The following C11orf58 variants were observed in gnomAD, a reference collection of about 807,000 sequenced individuals.
The protein encoded by C11orf58 is chromosome 11 open reading frame 58, also known as small acidic protein.
In C11orf58, 5 loss-of-function variants were observed where a neutral mutation model predicts 22.7. That is an observed-to-expected ratio of 0.22 (90% confidence interval 0.12 to 0.46). C11orf58 has a LOEUF of 0.46. Ranked by LOEUF, C11orf58 falls within the 20% of genes least tolerant of loss-of-function variation. C11orf58 has a pLI of 0.99. For synonymous variants in C11orf58, 71 were observed against 70.7 expected (o/e 1.00, Z -0.02); for missense variants, 151 against 223.3 (o/e 0.68, Z 2.06).
intron 3 of C11orf58, chr11:16,748,673 A>G (rs1848507508): frequency 6.6e-6 from 1 of 151,830 alleles, no homozygotes; most frequent in Non-Finnish European, 1.5e-5. Flanking sequence ...TGAACCAGAG[A>G]GGCGGAGGTT....
At chr11:16,743,415 T>C (rs1848463281) in intron 1 of C11orf58, among the ~76,000 whole-genome samples, 1 of 152,220 alleles carries the variant, frequency 6.6e-6, no homozygotes, top group Non-Finnish European at 1.5e-5. Context: ...TTTTTTTTCT[T>C]TTTCTTGTCA....
rs780319318 is a variant in C11orf58, at chr11:16,744,588, A to T, written c.64-13A>T. ...TATGCAAAAAAAATTTAATCAACCAATTTTTTTTCTAGCTGGGATCTAGCA... is the reference window on the plus strand; with the variant it reads ...TATGCAAAAAAAATTTAATCAACCATTTTTTTTTCTAGCTGGGATCTAGCA... On this transcript the variant is annotated splice_polypyrimidine_tract_variant and intron_variant, in intron 1 of 4. Coordinates refer to ENST00000228136, the MANE Select transcript of C11orf58 (RefSeq NM_014267.6). The T allele has an allele frequency of 4.4e-6, 7 of 1,608,364 alleles. No individual in the cohort carries two copies. The Admixed American group carries it at 6.7e-5, about 15-fold the overall frequency.
intron 4 of C11orf58, 125 bp from the exon 5 acceptor site, chr11:16,754,746 T>G: frequency 6.8e-7 from 1 of 1,460,918 alleles, no homozygotes; most frequent in Non-Finnish European, 9.2e-7. Flanking sequence ...TACTCAAGTC[T>G]TAAAGCTGTT....
intron 3 of C11orf58, 182 bp downstream of exon 3, chr11:16,748,339 G>T: frequency 2.0e-6 from 1 of 495,220 alleles, no homozygotes; most frequent in Non-Finnish European, 3.6e-6. Context: ...AAAGTGGGAG[G>T]ATCACTTAAG....
chr11:16,746,343 G>A (rs1235778971), intron 2 of C11orf58, among the ~76,000 whole-genome samples: 1 of 152,158 alleles, frequency 6.6e-6, no homozygotes, highest in Non-Finnish European at 1.5e-5. Flanking sequence ...CTTGTTTCAT[G>A]CAAATATATT....
chr11:16,751,490 A>G (rs1247102458), intron 3 of C11orf58: 2 of 135,098 alleles, frequency 1.5e-5, no homozygotes, highest in South Asian at 2.7e-4. Context: ...CAAGAGAGCG[A>G]GACTCCCTCG....
At chr11:16,754,158 C>T in intron 4 of C11orf58, 1 of 396,132 alleles carries the variant, frequency 2.5e-6, no homozygotes, top group Non-Finnish European at 4.4e-6. Context: ...CTACTGTTTA[C>T]TCCAAAGTAA....
chr11:16,743,728 T>C (rs955159618), intron 1 of C11orf58, among the ~76,000 whole-genome samples: 3 of 152,202 alleles, frequency 2.0e-5, no homozygotes, highest in African/African-American at 7.2e-5. Context: ...AAAACTAATA[T>C]CTTAAAAACT....
Position 16,756,204 on chromosome 11 carries a change from T to G in C11orf58, c.*1100T>G, listed in dbSNP as rs1270071635. On this transcript the variant is annotated 3_prime_UTR_variant, in exon 5 of 5. Coordinates refer to ENST00000228136, the MANE Select transcript of C11orf58 (RefSeq NM_014267.6). ...CAAGTTCAAAGGCTTTAGTCACACC[T>G]GTTTGTGAGCTGAGCTATTATACAT... 2 of 152,008 alleles carry G rather than the reference T, an allele frequency of 1.3e-5. No homozygotes were observed. Among genetic ancestry groups the G allele is most frequent in the Non-Finnish European group, 2.9e-5 (2 of 67,998 alleles). 9.4% of individuals were successfully genotyped at this position (152,008 alleles called of 1,614,324 possible). A position where few individuals can be genotyped will look rare whatever the true frequency, so the allele number is the denominator to read the frequency against.
intron 3 of C11orf58, chr11:16,751,026 G>A (rs1038305349): frequency 6.6e-6 from 1 of 152,160 alleles, no homozygotes; most frequent in Admixed American, 6.5e-5. Flanking sequence ...ATCTGTTCAT[G>A]TAGCTCTGTG....
intron 1 of C11orf58, among the ~76,000 whole-genome samples, chr11:16,739,992 C>G (rs1346664039): frequency 6.6e-6 from 1 of 152,202 alleles, no homozygotes; most frequent in Non-Finnish European, 1.5e-5. Context: ...GAATCGACTT[C>G]AGCTCTGCAG....
intron 4 of C11orf58, among the ~76,000 whole-genome samples, chr11:16,753,602 A>G (rs1487245163): frequency 2.6e-5 from 4 of 151,324 alleles, no homozygotes; most frequent in African/African-American, 4.9e-5. Context: ...AGCTCAGGCA[A>G]TCCGCCCACC....
At chr11:16,747,045 A>G (rs1239656532) in intron 2 of C11orf58, 1 of 152,238 alleles carries the variant, frequency 6.6e-6, no homozygotes, top group East Asian at 1.9e-4. Context: ...CTAGCCGGCT[A>G]TCATGAATAT....
chr11:16,751,212 T>C (rs1848529966), intron 3 of C11orf58: 1 of 152,132 alleles, frequency 6.6e-6, no homozygotes, highest in African/African-American at 2.4e-5. Flanking sequence ...ACAAAATTGC[T>C]TACTTGGCCA....
intron 1 of C11orf58, among the ~76,000 whole-genome samples, chr11:16,740,917 C>T (rs1055995985): frequency 1.3e-5 from 2 of 151,398 alleles, no homozygotes; most frequent in African/African-American, 4.8e-5. Flanking sequence ...CACAGTGAAA[C>T]CCCGCCTCTA....
Position 16,757,336 on chromosome 11 carries a change from G to C in C11orf58, c.*2232G>C, listed in dbSNP as rs1388295178. ...AATGTTGGGTTGTTGATATGGTCTT[G>C]TTTCTGATAAGGAAATAGGAGCAAC... On this transcript the variant is annotated 3_prime_UTR_variant, in exon 5 of 5. Coordinates refer to ENST00000228136, the MANE Select transcript of C11orf58 (RefSeq NM_014267.6). 6.6e-6 allele frequency among the ~76,000 whole-genome samples: 1 copy of C among 152,136 alleles called. No individual in the cohort carries two copies. The highest frequency in any genetic ancestry group is 2.4e-5 in the African/African-American group (1 of 41,414).
At chr11:16,744,820 A>G (rs1848475653) in intron 2 of C11orf58, 136 bp downstream of exon 2, 2 of 732,722 alleles carry the variant, frequency 2.7e-6, no homozygotes, top group African/African-American at 3.6e-5. Context: ...TTTGGGAAAT[A>G]CATGTGGCCT....
intron 2 of C11orf58, chr11:16,746,718 A>C (rs1848490754): frequency 6.6e-6 from 1 of 152,174 alleles, no homozygotes; most frequent in Admixed American, 6.6e-5. Context: ...TGTTGTTTTG[A>C]GACAGTCTCA....
intron 1 of C11orf58, among the ~76,000 whole-genome samples, chr11:16,741,509 T>A (rs566974190): frequency 1.3e-5 from 2 of 152,348 alleles, no homozygotes; most frequent in East Asian, 3.9e-4. Context: ...ACCCACGTGC[T>A]TTTCAGAATG....
Sources: gnomAD v4.1 joint callset for allele counts (sites outside exome capture counted in the v4.1 genomes callset) on GRCh38, gnomAD v4.1.1 for gene constraint, MANE v1.5 for transcripts, NCBI Gene and HGNC (gene_info 2026-07-23, HGNC 2026-07-21) for gene names.